The following KARS1 variants were observed in gnomAD, a reference collection of about 807,000 sequenced individuals.
The protein encoded by KARS1 is lysyl-tRNA synthetase 1, also known as lysine--tRNA ligase.
Under a neutral mutation model 63.9 loss-of-function variants are expected in KARS1, and 50 were observed. That is an observed-to-expected ratio of 0.78 (90% CI 0.62 to 0.99). KARS1 has a LOEUF of 0.99. KARS1 is among the 50% of genes least tolerant of loss of function. KARS1 has a pLI of 0.00. For missense variants in KARS1, 816 were observed against 754.5 expected (o/e 1.08, Z -0.95); for synonymous variants, 320 against 264.6 (o/e 1.21, Z -2.03).
At chr16:75,639,956 T>C (rs919229494) in intron 3 of KARS1, 2 of 567,500 alleles carry the variant, frequency 3.5e-6, no homozygotes, top group South Asian at 2.0e-5. Flanking sequence ...AGGGAATCCT[T>C]ATAGAGAAAG....
chr16:75,630,266 T>C (rs1205792740), intron 11 of KARS1, among the ~76,000 whole-genome samples, 157 bp downstream of exon 11: 1 of 152,158 alleles, frequency 6.6e-6, no homozygotes, highest in Non-Finnish European at 1.5e-5. Flanking sequence ...CAAAGTGCCC[T>C]GGCAGAATCC....
intron 3 of KARS1, among the ~76,000 whole-genome samples, chr16:75,639,041 G>A (rs1447649917): frequency 6.6e-6 from 1 of 151,966 alleles, no homozygotes; most frequent in East Asian, 1.9e-4. Context: ...GGTGGCAGGC[G>A]CCTGTAATCC....
chr16:75,646,521 C>T (rs1410462281), intron 1 of KARS1, among the ~76,000 whole-genome samples: 1 of 149,038 alleles, frequency 6.7e-6, no homozygotes, highest in African/African-American at 2.5e-5. Flanking sequence ...AGCCTGGCGA[C>T]AGAGCGAGAC....
chr16:75,639,500 G>A (rs2082199418), intron 3 of KARS1, among the ~76,000 whole-genome samples: 1 of 150,232 alleles, frequency 6.7e-6, no homozygotes, highest in African/African-American at 2.5e-5. Flanking sequence ...TGAACCTGGG[G>A]GGCAGAGGTT....
intron 12 of KARS1, chr16:75,628,979 T>C: frequency 1.9e-6 from 1 of 527,286 alleles, no homozygotes; most frequent in East Asian, 3.4e-5. Flanking sequence ...GCTCTGGGAC[T>C]CCAAACAGGT....
intron 6 of KARS1, 42 bp downstream of exon 6, chr16:75,635,638 T>C (rs751418275): frequency 1.2e-6 from 2 of 1,611,432 alleles, no homozygotes; most frequent in African/African-American, 1.3e-5. Flanking sequence ...GAGGCAAGCA[T>C]TGCAAGGCAG....
At chr16:75,644,780 C>T (rs2082263014) in intron 1 of KARS1, among the ~76,000 whole-genome samples, 1 of 152,164 alleles carries the variant, frequency 6.6e-6, no homozygotes, top group Non-Finnish European at 1.5e-5. Context: ...CTTTCTGAAG[C>T]CCTGAAGTGT....
intron 1 of KARS1, 55 bp from the exon 2 acceptor site, chr16:75,641,778 T>G: frequency 6.3e-7 from 1 of 1,583,772 alleles, no homozygotes; most frequent in South Asian, 1.1e-5. Context: ...GTCCTCTATG[T>G]TCTGCCCCTA....
chr16:75,647,396 G>C (rs2082299272), intron 1 of KARS1, 182 bp downstream of exon 1: 1 of 676,822 alleles, frequency 1.5e-6, no homozygotes, highest in East Asian at 2.7e-5. Context: ...CGGGGAGCCG[G>C]CGTGCCCGGG....
In KARS1 at chr16:75,627,906, T is replaced by C; in HGVS notation, c.1783A>G (p.Thr595Ala). 6.3e-7 allele frequency: 1 copy of C among 1,581,302 alleles called. No individual in the cohort carries two copies. The highest frequency in any genetic ancestry group is 8.7e-7 in the Non-Finnish European group (1 of 1,150,372). ...TDTLESTTVG[T>A]SV is the part of the protein sequence containing the mutation. ...GCAATTATTATTTTCTAGACAGAAGTGCCAACTGTTGTGCTTTCCAGTGTA... is the reference window on the plus strand; with the variant it reads ...GCAATTATTATTTTCTAGACAGAAGCGCCAACTGTTGTGCTTTCCAGTGTA... Residue 595 changes from threonine (T) to alanine (A), a missense_variant, in exon 14 of 14, where the codon ACT becomes GCT. By Grantham distance (58) the Thr-to-Ala change is moderately conservative. Coordinates refer to ENST00000302445, the MANE Select transcript of KARS1 (RefSeq NM_005548.3).
chr16:75,636,700 C>A (rs1220367255), intron 3 of KARS1, among the ~76,000 whole-genome samples, 153 bp from the exon 4 acceptor site: 2 of 151,276 alleles, frequency 1.3e-5, no homozygotes, highest in East Asian at 3.9e-4. Flanking sequence ...GTGGCACGAT[C>A]TCAGCTCAAT....
At position 75,640,186 on chromosome 16, in the gene KARS1, G is replaced by A; in HGVS notation, c.386C>T (p.Ala129Val). The change falls in exon 3 of 14, where the codon GCA (alanine) becomes GTA (valine). Residue 129 changes from alanine to valine, a missense_variant and splice_region_variant. Ala to Val is a moderately conservative substitution (Grantham distance 64, BLOSUM62 0). Transcript: ENST00000302445. ...GATTTGCCAGGGAGAGTTCCTACCT[G>A]CCACCTTTAAGGTGATGTCAGTCAG... ...DHLTDITLKV[A>V]GRIHAKRASG... 1 of 1,613,742 alleles carries A rather than the reference G, an allele frequency of 6.2e-7. No individual in the cohort carries two copies. The highest frequency in any genetic ancestry group is 8.5e-7 in the Non-Finnish European group (1 of 1,179,696).
chr16:75,632,193 T>C (rs1859355526), intron 7 of KARS1, among the ~76,000 whole-genome samples: 1 of 152,154 alleles, frequency 6.6e-6, no homozygotes, highest in South Asian at 2.1e-4. Flanking sequence ...CCCGGCCCCA[T>C]GACAGCTAAT....
chr16:75,645,843 CAAA>C (rs11363202), intron 1 of KARS1, among the ~76,000 whole-genome samples: 3,705 of 81,954 alleles, frequency 0.045, 74 homozygotes, highest in Middle Eastern at 0.092. Flanking sequence ...ACTCTGCCTC[CAAA>C]AAAAAAAAAA....
At chr16:75,633,705 C>G (rs1280152008) in intron 7 of KARS1, among the ~76,000 whole-genome samples, 1 of 152,038 alleles carries the variant, frequency 6.6e-6, no homozygotes, top group Admixed American at 6.6e-5. Flanking sequence ...TTTGTAGACA[C>G]TGGGTTTCAC....
chr16:75,641,948 T>C (rs1429946451), intron 1 of KARS1, among the ~76,000 whole-genome samples: 1 of 152,008 alleles, frequency 6.6e-6, no homozygotes, highest in Non-Finnish European at 1.5e-5. Context: ...ATGTGAAAAA[T>C]CACTCTCAGT....
Position 75,635,821 on chromosome 16 carries a change from C to G in KARS1, c.670-16G>C. ...ACCTTGTTTCCTAAACCAAAAGCAG[C>G]AGTTAGAAATCACTGGTATGTCTGA... On this transcript the variant is annotated splice_polypyrimidine_tract_variant and intron_variant, in intron 5 of 13. Transcript: ENST00000302445. 1.2e-6 allele frequency: 2 copies of G among 1,614,178 alleles called. No homozygotes were observed. The highest frequency in any genetic ancestry group is 1.7e-6 in the Non-Finnish European group (2 of 1,180,024).
chr16:75,629,505 C>T lies in KARS1; in HGVS notation c.1461G>A (p.Glu487=). The T allele has an allele frequency of 6.2e-7, 1 of 1,614,194 alleles. No homozygotes were observed. Among genetic ancestry groups the T allele is most frequent in the Non-Finnish European group, 8.5e-7 (1 of 1,180,014 alleles). Residue 487 remains glutamate (E), a synonymous_variant, in exon 12 of 14, where the codon GAG becomes GAA. Transcript: ENST00000302445. ...RSKEGLTERF[E]LFVMKKEICN... The stretch of plus-strand genomic sequence containing the variant: ...ATATCTCTTTCTTCATGACAAACAG[C>T]TCAAAGCGCTCAGTCAGACCCTCTT...
intron 3 of KARS1, chr16:75,639,846 A>C (rs1288086914): frequency 4.1e-6 from 1 of 244,606 alleles, no homozygotes; most frequent in African/African-American, 2.2e-5. Context: ...ACTCCAAAAG[A>C]GCAATGTTCT....
Sources: gnomAD v4.1 joint callset for allele counts (sites outside exome capture counted in the v4.1 genomes callset) on GRCh38, gnomAD v4.1.1 for gene constraint, MANE v1.5 for transcripts, NCBI Gene and HGNC (gene_info 2026-07-23, HGNC 2026-07-21) for gene names.